NCKAP1: variants seen among roughly 807,000 people sequenced by gnomAD.
NCKAP1 encodes nck-associated protein 1.
NCKAP1 carries 21 observed loss-of-function variants against 151.2 expected under a neutral mutation model. The observed-to-expected ratio is 0.14, with a 90% CI of 0.10 to 0.20. The LOEUF (loss-of-function observed/expected upper bound fraction) is 0.20, where lower values mean the gene tolerates loss of function less well. Among genes scored for constraint, NCKAP1 ranks in the 10% least tolerant of loss-of-function variants. The pLI is 1.00. For missense variants in NCKAP1, 933 were observed against 1,352.1 expected, an observed-to-expected ratio of 0.69 and a Z score of 4.86; for synonymous variants, 484 against 451.8, an observed-to-expected ratio of 1.07 and a Z score of -0.90.
rs1330966762 is a variant in NCKAP1 at position 182,913,930 on chromosome 2, GC to G, written c.*11771del. The G allele has an allele frequency of 1.3e-5, 2 of 152,188 alleles. No homozygotes were observed. The highest frequency in any genetic ancestry group is 2.9e-5 in the Non-Finnish European group (2 of 68,096). The allele number at this position is 152,188 out of a possible 1,614,324, so 9.4% of individuals were successfully genotyped here. ...CTCCATGAAACTTTCTGCTTAAGTA[GC>G]CCCCACAACCCTCAGCCTCTTGGTT... On this transcript the variant is annotated 3_prime_UTR_variant, in exon 31 of 31. Transcript: ENST00000361354.
At chr2:182,933,861 G>T (rs183075792) in intron 26 of NCKAP1, among the ~76,000 whole-genome samples, 1 of 151,954 alleles carries the variant, frequency 6.6e-6, no homozygotes, top group African/African-American at 2.4e-5. Flanking sequence ...TGTAAACCCC[G>T]ATATATCACT....
chr2:182,980,751 C>A (rs1487810586), intron 13 of NCKAP1, among the ~76,000 whole-genome samples: 2 of 152,072 alleles, frequency 1.3e-5, no homozygotes, highest in African/African-American at 4.8e-5. Context: ...TACTTAATTA[C>A]CAATTATATT....
intron 14 of NCKAP1, among the ~76,000 whole-genome samples, chr2:182,978,130 ATTACT>A (rs1434072018): frequency 6.6e-6 from 1 of 152,218 alleles, no homozygotes; most frequent in East Asian, 1.9e-4. Context: ...ACCAGAAAAA[ATTACT>A]TTAGTTTCAT....
intron 14 of NCKAP1, among the ~76,000 whole-genome samples, chr2:182,978,153 A>G (rs1052814486): frequency 6.6e-6 from 1 of 152,198 alleles, no homozygotes; most frequent in African/African-American, 2.4e-5. Flanking sequence ...CATTACTTAG[A>G]TGTGGTAGCA....
intron 1 of NCKAP1, among the ~76,000 whole-genome samples, chr2:183,030,013 G>A (rs1698976134): frequency 6.6e-6 from 1 of 152,100 alleles, no homozygotes; most frequent in African/African-American, 2.4e-5. Context: ...ACTTGATCAA[G>A]ATTTCACAAC....
intron 10 of NCKAP1, among the ~76,000 whole-genome samples, chr2:182,984,014 G>C (rs1002319000): frequency 1.2e-4 from 18 of 149,124 alleles, no homozygotes; most frequent in African/African-American, 3.5e-4. Context: ...CTGGGTGACA[G>C]AGCAAGACTC....
At position 182,910,200 on chromosome 2, in the gene NCKAP1, T is replaced by TA. The variant is rs1251446761; in HGVS notation, c.*15501dup. 1 of 152,174 alleles carries TA rather than the reference T, an allele frequency of 6.6e-6. No individual in the cohort carries two copies. The highest frequency in any genetic ancestry group is 1.5e-5 in the Non-Finnish European group (1 of 68,056). 9.4% of individuals were successfully genotyped at this position (152,174 alleles called of 1,614,324 possible). A position where few individuals can be genotyped will look rare whatever the true frequency, so the allele number is the denominator to read the frequency against. Reference sequence around the variant, plus strand: ...GTTCAAACTCAAGGAGCTGCCTCACTAAACTCTACATCATTTTGGAGTCCA... The same window carrying TA: ...GTTCAAACTCAAGGAGCTGCCTCACTAAAACTCTACATCATTTTGGAGTCCA... On this transcript the variant is annotated 3_prime_UTR_variant, in exon 31 of 31. Transcript: ENST00000361354.
At chr2:183,032,509 A>G (rs1699023295) in intron 1 of NCKAP1, among the ~76,000 whole-genome samples, 1 of 152,212 alleles carries the variant, frequency 6.6e-6, no homozygotes, top group Non-Finnish European at 1.5e-5. Flanking sequence ...AACCCGTACA[A>G]TGAGAATACT....
intron 27 of NCKAP1, among the ~76,000 whole-genome samples, chr2:182,929,104 A>G (rs1696707472): frequency 6.6e-6 from 1 of 151,990 alleles, no homozygotes; most frequent in Non-Finnish European, 1.5e-5. Context: ...ACAATGGACT[A>G]TTATCAACTA....
intron 2 of NCKAP1, among the ~76,000 whole-genome samples, chr2:183,010,080 A>G (rs1470282881): frequency 6.6e-6 from 1 of 152,204 alleles, no homozygotes; most frequent in South Asian, 2.1e-4. Flanking sequence ...AGAGTTTTCT[A>G]TTAAAGAACT....
intron 5 of NCKAP1, 33 bp downstream of exon 5, chr2:183,002,094 C>G: frequency 6.2e-7 from 1 of 1,612,254 alleles, no homozygotes; most frequent in Non-Finnish European, 8.5e-7. Context: ...TCAAACTGAG[C>G]ATTTTAGAAA....
At chr2:182,943,583 A>G (rs1697040590) in intron 23 of NCKAP1, among the ~76,000 whole-genome samples, 3 of 152,226 alleles carry the variant, frequency 2.0e-5, no homozygotes, top group East Asian at 1.9e-4. Flanking sequence ...ATCGTATCAC[A>G]TATCAGTGAA....
At chr2:182,952,288 T>C in intron 23 of NCKAP1, 117 bp downstream of exon 23, 1 of 599,880 alleles carries the variant, frequency 1.7e-6, no homozygotes, top group African/African-American at 1.9e-5. Flanking sequence ...TTCATTTTCA[T>C]ATTAGTACTT....
At chr2:183,009,140 G>A (rs917307195) in intron 2 of NCKAP1, among the ~76,000 whole-genome samples, 13 of 152,096 alleles carry the variant, frequency 8.5e-5, no homozygotes, top group African/African-American at 2.4e-4. Context: ...TTGGGAGGCC[G>A]AGGTGGGCGG....
At chr2:182,978,148 C>T (rs1697863491) in intron 14 of NCKAP1, among the ~76,000 whole-genome samples, 1 of 152,122 alleles carries the variant, frequency 6.6e-6, no homozygotes, top group Non-Finnish European at 1.5e-5. Context: ...AGTTTCATTA[C>T]TTAGATGTGG....
intron 2 of NCKAP1, among the ~76,000 whole-genome samples, chr2:183,007,576 T>C (rs568153265): frequency 5.3e-5 from 8 of 152,350 alleles, no homozygotes; most frequent in East Asian, 3.9e-4. Context: ...TATTCACTCA[T>C]TTCAATTATT....
chr2:182,965,845 G>C (rs1697559466), intron 16 of NCKAP1, among the ~76,000 whole-genome samples: 1 of 152,114 alleles, frequency 6.6e-6, no homozygotes. Flanking sequence ...CTTTGTGCCA[G>C]ACAGACAGTA....
chr2:182,979,070 C>A (rs1001483767), intron 13 of NCKAP1, among the ~76,000 whole-genome samples, 155 bp from the exon 14 acceptor site: 3 of 152,006 alleles, frequency 2.0e-5, no homozygotes, highest in Admixed American at 2.0e-4. Flanking sequence ...CACACCATAA[C>A]ACGAATCTCA....
chr2:182,945,222 C>T lies in NCKAP1; in HGVS notation c.2602-3059G>A, dbSNP rs182434982. 5.2e-3 allele frequency among the ~76,000 whole-genome samples: 766 copies of T among 146,344 alleles called. 11 individuals carry two copies. Among genetic ancestry groups the T allele is most frequent in the African/African-American group, 0.018 (724 of 39,376 alleles). On this transcript the variant is annotated intron_variant, in intron 23 of 30. Coordinates refer to ENST00000361354, the MANE Select transcript of NCKAP1 (RefSeq NM_013436.5). ...TGCACTCCAGCCTGGGTGACAAGAG[C>T]GAGACTGTCTCAAAAAATAAAAAAC...
Sources: allele counts gnomAD v4.1 joint callset (sites outside exome capture counted in the v4.1 genomes callset), GRCh38; gene constraint gnomAD v4.1.1; transcripts MANE v1.5; gene names NCBI Gene and HGNC (gene_info 2026-07-23, HGNC 2026-07-21).